The following SRP68 variants were observed in gnomAD, a reference collection of about 807,000 sequenced individuals.
SRP68 encodes the protein signal recognition particle 68.
Under a neutral mutation model 82.2 loss-of-function variants are expected in SRP68, and 15 were observed. That is an observed-to-expected ratio of 0.18 (90% CI 0.12 to 0.28). The LOEUF is 0.28. SRP68 is among the 10% of genes least tolerant of loss of function. SRP68 has a pLI of 1.00. For missense variants in SRP68, 595 were observed against 780.5 expected, an observed-to-expected ratio of 0.76 and a Z score of 2.83; for synonymous variants, 261 against 292.6, an observed-to-expected ratio of 0.89 and a Z score of 1.10.
At chr17:76,062,566 T>TTATATAATATACATTATATAA (rs1567934734) in intron 4 of SRP68, among the ~76,000 whole-genome samples, 2 of 40,696 alleles carry the variant, frequency 4.9e-5, no homozygotes, top group African/African-American at 3.1e-4. Context: ...ACATTATATA[T>TTATATAATATACATTATATAA]TATATAATAT....
intron 13 of SRP68, 161 bp from the exon 14 acceptor site, chr17:76,041,139 C>A: frequency 3.9e-6 from 2 of 518,776 alleles, no homozygotes; most frequent in Non-Finnish European, 6.9e-6. Flanking sequence ...AAAACACTAG[C>A]CTGTTTCAAA....
rs974872979 is a variant in SRP68, at chr17:76,060,457, C to G, written c.755-67G>C. 303 of 1,190,270 alleles carry G rather than the reference C, an allele frequency of 2.5e-4. 2 individuals carry two copies. The highest frequency in any genetic ancestry group is 2.2e-3 in the South Asian group (177 of 79,986). The allele number at this position is 1,190,270 out of a possible 1,614,324, so 73.7% of individuals were successfully genotyped here. A position where few individuals can be genotyped will look rare whatever the true frequency, so the allele number is the denominator to read the frequency against. On this transcript the variant is annotated intron_variant, in intron 6 of 15. Coordinates refer to ENST00000307877, the MANE Select transcript of SRP68 (RefSeq NM_014230.4). The stretch of plus-strand genomic sequence containing the variant: ...TTTTCTTGAGAATCACTAGATTCAA[C>G]TCAGACTTAAAGAGCTCTTCCCCCT...
In SRP68 at chr17:76,062,745, A is replaced by ATTTATTT. The variant is rs2066775055; in HGVS notation, c.562-1172_562-1171insAAATAAA. On this transcript the variant is annotated intron_variant, in intron 4 of 15. Transcript: ENST00000307877. Reference sequence around the variant, plus strand: ...ATATTTATTTTATATATATATATATATATATATATATATATATATAAAATA... The same window carrying ATTTATTT: ...ATATTTATTTTATATATATATATATATTTATTTTATATATATATATATATATAAAATA... 3.9e-5 allele frequency among the ~76,000 whole-genome samples: 3 copies of ATTTATTT among 77,576 alleles called. 1 individual carries two copies. Among genetic ancestry groups the ATTTATTT allele is most frequent in the African/African-American group, 2.1e-4 (3 of 14,194 alleles). The allele number at this position is 77,576 out of a possible 152,430, so 50.9% of individuals were successfully genotyped here.
At position 76,057,409 on chromosome 17, in the gene SRP68, A is replaced by G; in HGVS notation, c.972T>C (p.Ile324=). The G allele has an allele frequency of 1.9e-6, 3 of 1,614,194 alleles. No individual in the cohort carries two copies. Among genetic ancestry groups the G allele is most frequent in the Non-Finnish European group, 2.5e-6 (3 of 1,180,034 alleles). ...GTAAGTTCTTCCTCCTCACCTGGAC[A>G]ATAGCTGCTTCGTTATCAGCCAGTC... ...LLGLADNEAA[I]VQAESEETKE... is the part of the protein sequence containing the mutation. The change falls in exon 8 of 16, where the codon ATT becomes ATC. Residue 324 remains isoleucine, a synonymous_variant. Transcript: ENST00000307877.
At position 76,071,348 on chromosome 17, in the gene SRP68, A is replaced by T. The variant is rs2666001; in HGVS notation, c.185-904T>A. On this transcript the variant is annotated intron_variant, in intron 1 of 15. Coordinates refer to ENST00000307877, the MANE Select transcript of SRP68 (RefSeq NM_014230.4). The surrounding 1 kb of genome is among the most constrained non-coding windows in gnomAD (Gnocchi z 4.7). ...TCCTTTTAATAATCTTAAAATATTT[A>T]AGATTATGTACTAATCTTTAGAAAG... Among the ~76,000 whole-genome samples, 13,762 of 152,274 alleles carry T rather than the reference A, an allele frequency of 0.09. 823 individuals are homozygous for T. The highest frequency in any genetic ancestry group is 0.13 in the Non-Finnish European group (9,102 of 68,016).
chr17:76,059,369 C>G (rs1423123409), intron 7 of SRP68, among the ~76,000 whole-genome samples: 1 of 151,944 alleles, frequency 6.6e-6, no homozygotes, highest in Non-Finnish European at 1.5e-5. Flanking sequence ...ATGGTGAAAC[C>G]CCGTCTCTAC....
chr17:76,046,867 G>T (rs1486009672), intron 10 of SRP68, among the ~76,000 whole-genome samples: 1 of 152,130 alleles, frequency 6.6e-6, no homozygotes, highest in African/African-American at 2.4e-5. Context: ...TGTGAACCTG[G>T]GAGGCGGAGC....
At position 76,068,233 on chromosome 17, in the gene SRP68, G is replaced by A. The variant is rs187477714; in HGVS notation, c.252-903C>T. Among the ~76,000 whole-genome samples, 30 of 151,922 alleles carry A rather than the reference G, an allele frequency of 2.0e-4. No individual in the cohort carries two copies. The East Asian group carries it at 5.0e-3, about 26-fold the overall frequency. On this transcript the variant is annotated intron_variant, in intron 2 of 15. Transcript: ENST00000307877. ...CTTAAACTCAGGAGGTGGGGGTTGCGTTGAGCCAAGATTGCGCCATTGCAC... is the reference window on the plus strand; with the variant it reads ...CTTAAACTCAGGAGGTGGGGGTTGCATTGAGCCAAGATTGCGCCATTGCAC...
chr17:76,061,687 G>A (rs1040698400), intron 4 of SRP68, 113 bp from the exon 5 acceptor site: 4 of 829,484 alleles, frequency 4.8e-6, no homozygotes, highest in African/African-American at 1.7e-5. Context: ...TGGGCCAGGT[G>A]CAGTGGCTCA....
intron 2 of SRP68, among the ~76,000 whole-genome samples, chr17:76,068,455 GAA>G (rs113014100): frequency 8.6e-5 from 10 of 115,824 alleles, no homozygotes; most frequent in South Asian, 3.0e-4. Flanking sequence ...GACTGTGTCT[GAA>G]AAAAAAAAAA....
At chr17:76,069,110 G>A (rs1054095053) in intron 2 of SRP68, among the ~76,000 whole-genome samples, 5 of 151,790 alleles carry the variant, frequency 3.3e-5, no homozygotes, top group Admixed American at 2.0e-4. Context: ...TTCAGGGGCC[G>A]GGCGTGGTGG....
intron 3 of SRP68, among the ~76,000 whole-genome samples, chr17:76,066,965 T>C (rs1185373861): frequency 6.6e-6 from 1 of 152,112 alleles, no homozygotes; most frequent in Non-Finnish European, 1.5e-5. Flanking sequence ...TGACCTCAGG[T>C]GATCCACCCA....
At chr17:76,040,311 G>A (rs867086161) in intron 15 of SRP68, 108 bp downstream of exon 15, 1 of 1,069,366 alleles carries the variant, frequency 9.4e-7, no homozygotes, top group South Asian at 1.3e-5. Flanking sequence ...GGAGGGAGGT[G>A]GGGGGTTTCC....
At chr17:76,059,668 C>T (rs973959809) in intron 7 of SRP68, among the ~76,000 whole-genome samples, 1 of 151,794 alleles carries the variant, frequency 6.6e-6, no homozygotes, top group East Asian at 1.9e-4. Context: ...AATACTTGGC[C>T]GAGAACAGTG....
At position 76,043,576 on chromosome 17, in the gene SRP68, T is replaced by C. The variant is rs371224592; in HGVS notation, c.1524+253A>G. ...CTGAGAGCAGTACTTCAGGTTTTCC[T>C]GTGGTGGTTTTTGTTTCTTTTAAAT... On this transcript the variant is annotated intron_variant, in intron 13 of 15. Coordinates refer to ENST00000307877, the MANE Select transcript of SRP68 (RefSeq NM_014230.4). 3.1e-5 allele frequency: 8 copies of C among 259,226 alleles called. No individual in the cohort carries two copies. In the East Asian group the frequency reaches 5.4e-4, roughly 18 times the overall value. The allele number at this position is 259,226 out of a possible 1,614,324, so 16.1% of individuals were successfully genotyped here.
At chr17:76,056,167 C>G (rs1453457750) in intron 8 of SRP68, among the ~76,000 whole-genome samples, 1 of 152,188 alleles carries the variant, frequency 6.6e-6, no homozygotes, top group East Asian at 1.9e-4. Flanking sequence ...TCATTTGGTA[C>G]GTGTCTGTAG....
At chr17:76,059,030 A>G (rs2066731723) in intron 7 of SRP68, among the ~76,000 whole-genome samples, 4 of 152,144 alleles carry the variant, frequency 2.6e-5, no homozygotes, top group Admixed American at 2.6e-4. Context: ...GCTTGAGCGC[A>G]GGAGTTCGAG....
chr17:76,043,120 C>A (rs1228552730), intron 13 of SRP68, among the ~76,000 whole-genome samples: 3 of 152,042 alleles, frequency 2.0e-5, no homozygotes, highest in African/African-American at 7.2e-5. Context: ...AAAAATTGGC[C>A]TGGTATGGTG....
At chr17:76,040,226 C>T (rs2066579023) in intron 15 of SRP68, among the ~76,000 whole-genome samples, 193 bp downstream of exon 15, 2 of 152,204 alleles carry the variant, frequency 1.3e-5, no homozygotes, top group Admixed American at 1.3e-4. Context: ...CAACAGGTTC[C>T]TCAACCCTCT....
Sources: allele counts gnomAD v4.1 joint callset (sites outside exome capture counted in the v4.1 genomes callset), GRCh38; gene constraint gnomAD v4.1.1; non-coding constraint Gnocchi (gnomAD v3.1); transcripts MANE v1.5; gene names NCBI Gene and HGNC (gene_info 2026-07-23, HGNC 2026-07-21).